The following NRXN3 variants were observed in gnomAD, a reference collection of about 807,000 sequenced individuals.
NRXN3 encodes neurexin III.
A neutral mutation model predicts 137.6 loss-of-function variants in NRXN3; 32 were observed. The ratio of observed to expected loss-of-function variants is 0.23; its 90% CI spans 0.18 to 0.31. NRXN3 has a LOEUF of 0.31. NRXN3 is among the 10% of genes least tolerant of loss of function. NRXN3 has a pLI of 1.00. For missense variants in NRXN3, 1,574 were observed against 2,062.5 expected, an observed-to-expected ratio of 0.76 and a Z score of 4.59; for synonymous variants, 798 against 784.5, an observed-to-expected ratio of 1.02 and a Z score of -0.29.
At chr14:78,949,034 C>T (rs1340708161) in intron 10 of NRXN3, among the ~76,000 whole-genome samples, 8 of 152,300 alleles carry the variant, frequency 5.3e-5, no homozygotes, top group Admixed American at 6.5e-5. Context: ...AATGAGACCA[C>T]GTATGCAAAG....
intron 10 of NRXN3, among the ~76,000 whole-genome samples, chr14:78,854,757 A>G (rs1170025505): frequency 6.6e-6 from 1 of 152,116 alleles, no homozygotes; most frequent in Non-Finnish European, 1.5e-5. Context: ...AGCCTACATT[A>G]GTTAGAATGG....
At chr14:79,297,110 C>T (rs1218996510) in intron 15 of NRXN3, among the ~76,000 whole-genome samples, 2 of 152,206 alleles carry the variant, frequency 1.3e-5, no homozygotes, top group African/African-American at 2.4e-5. Flanking sequence ...AGTGTAGCAC[C>T]TCCTCAAGGA....
chr14:79,555,576 C>T (rs529101290), intron 16 of NRXN3, among the ~76,000 whole-genome samples: 13 of 152,134 alleles, frequency 8.5e-5, no homozygotes, highest in Admixed American at 2.0e-4. Flanking sequence ...GCATAGAGAG[C>T]AGAACCATTT....
Position 79,250,541 on chromosome 14 carries a change from A to G in NRXN3, c.3263-216680A>G, listed in dbSNP as rs143586364. Among the ~76,000 whole-genome samples, 42 of 152,318 alleles carry G rather than the reference A, an allele frequency of 2.8e-4. 1 individual carries two copies. The East Asian group carries it at 6.4e-3, about 23-fold the overall frequency. ...GTATTATTATCTCATTTTTACAGTA[A>G]GGAAGCCAAGACACAAAGCAGTTAA... On this transcript the variant is annotated intron_variant, in intron 15 of 20. Coordinates refer to ENST00000335750, the MANE Select transcript of NRXN3 (RefSeq NM_001330195.2).
intron 1 of NRXN3, among the ~76,000 whole-genome samples, chr14:78,174,213 G>GAA (rs2059041154): frequency 6.6e-6 from 1 of 152,150 alleles, no homozygotes; most frequent in Non-Finnish European, 1.5e-5. Flanking sequence ...TACATTGGAG[G>GAA]AAGGTTATGT....
At chr14:78,554,605 G>A (rs1272513222) in intron 4 of NRXN3, among the ~76,000 whole-genome samples, 1 of 152,118 alleles carries the variant, frequency 6.6e-6, no homozygotes, top group Non-Finnish European at 1.5e-5. Context: ...TACACTTTTT[G>A]TCAAATCTTC....
chr14:78,918,161 C>T (rs141506241), intron 10 of NRXN3, among the ~76,000 whole-genome samples: 117 of 150,708 alleles, frequency 7.8e-4, no homozygotes, highest in African/African-American at 2.7e-3. Flanking sequence ...GGCGCATGCC[C>T]GTAATCCCAG....
At chr14:78,771,545 T>C (rs953042013) in intron 8 of NRXN3, among the ~76,000 whole-genome samples, 6 of 152,062 alleles carry the variant, frequency 3.9e-5, no homozygotes, top group Admixed American at 3.9e-4. Context: ...TGGTCAGAAT[T>C]GGGGAGGTAA....
At chr14:78,563,796 A>C (rs1316283892) in intron 4 of NRXN3, among the ~76,000 whole-genome samples, 1 of 152,202 alleles carries the variant, frequency 6.6e-6, no homozygotes, top group African/African-American at 2.4e-5. Flanking sequence ...AGCATTCTCA[A>C]TGCAAGCAGG....
intron 15 of NRXN3, among the ~76,000 whole-genome samples, chr14:79,321,441 A>G (rs979502357): frequency 2.0e-5 from 3 of 152,188 alleles, no homozygotes; most frequent in African/African-American, 7.2e-5. Flanking sequence ...TGGCTTAATG[A>G]AACATTTATT....
chr14:79,043,141 T>TA (rs1325802571), intron 15 of NRXN3, among the ~76,000 whole-genome samples: 1 of 152,142 alleles, frequency 6.6e-6, no homozygotes, highest in Non-Finnish European at 1.5e-5. Flanking sequence ...TGGTGGGAAT[T>TA]ATAGAAATAT....
chr14:78,448,440 T>C (rs2094473559), intron 4 of NRXN3, among the ~76,000 whole-genome samples: 1 of 152,174 alleles, frequency 6.6e-6, no homozygotes, highest in Admixed American at 6.5e-5. Context: ...GGTAGCCAAA[T>C]GAAGGTGGAA....
At chr14:78,335,422 G>T (rs2081346517) in intron 4 of NRXN3, among the ~76,000 whole-genome samples, 2 of 152,166 alleles carry the variant, frequency 1.3e-5, no homozygotes, top group Admixed American at 6.5e-5. Flanking sequence ...AGCCTTGAGG[G>T]CCAGGACTCT....
intron 15 of NRXN3, among the ~76,000 whole-genome samples, chr14:79,118,013 A>G (rs904341469): frequency 1.3e-5 from 2 of 152,248 alleles, no homozygotes; most frequent in Non-Finnish European, 2.9e-5. Context: ...GCTTGTGCAA[A>G]GAGGCAGAAC....
intron 14 of NRXN3, among the ~76,000 whole-genome samples, chr14:78,987,145 G>A (rs996256501): frequency 6.6e-6 from 1 of 151,232 alleles, no homozygotes; most frequent in Non-Finnish European, 1.5e-5. Context: ...AAAAACAGAT[G>A]TGTGCCTCCC....
chr14:78,546,224 T>C (rs2096635387), intron 4 of NRXN3, among the ~76,000 whole-genome samples: 1 of 152,226 alleles, frequency 6.6e-6, no homozygotes, highest in African/African-American at 2.4e-5. Context: ...CTGATAGTGA[T>C]ACGAATTATT....
chr14:79,406,249 C>T lies in NRXN3; in HGVS notation c.3263-60972C>T, dbSNP rs181741820. ...ATCCTTTAGACATTGCATTCCCCTC[C>T]CCTCCCCTCCCATCCTCTCCCCTCC... On this transcript the variant is annotated intron_variant, in intron 15 of 20. Coordinates refer to ENST00000335750, the MANE Select transcript of NRXN3 (RefSeq NM_001330195.2). Among the ~76,000 whole-genome samples the T allele has an allele frequency of 2.2e-3, 328 of 149,518 alleles. 3 individuals are homozygous for T. Among genetic ancestry groups the T allele is most frequent in the Non-Finnish European group, 2.7e-3 (182 of 67,332 alleles).
intron 15 of NRXN3, among the ~76,000 whole-genome samples, chr14:79,365,745 G>GA (rs943211669): frequency 1.2e-4 from 14 of 114,168 alleles, no homozygotes; most frequent in African/African-American, 3.8e-4. Context: ...AAAAAAAAAA[G>GA]AAAAAAAAGA....
chr14:79,085,725 G>A lies in NRXN3; in HGVS notation c.3262+97584G>A, dbSNP rs117103368. ...GTAGAATTAGATGGCGAGAAGAAAC[G>A]AGGAGAGAGAGGGAAAAAGTCTGAA... On this transcript the variant is annotated intron_variant, in intron 15 of 20. Transcript: ENST00000335750. 6.8e-3 allele frequency among the ~76,000 whole-genome samples: 1,029 copies of A among 152,218 alleles called. 5 individuals carry two copies. The highest frequency in any genetic ancestry group is 0.01 in the Non-Finnish European group (696 of 68,004).
Sources: gnomAD v4.1 joint callset for allele counts (sites outside exome capture counted in the v4.1 genomes callset) on GRCh38, gnomAD v4.1.1 for gene constraint, MANE v1.5 for transcripts, NCBI Gene and HGNC (gene_info 2026-07-23, HGNC 2026-07-21) for gene names.